The following PTPRD variants were observed in gnomAD, a reference collection of about 807,000 sequenced individuals.
PTPRD encodes the protein receptor-type tyrosine-protein phosphatase delta.
PTPRD carries 34 observed loss-of-function variants against 214.5 expected under a neutral mutation model. The observed-to-expected ratio is 0.16, with a 90% confidence interval of 0.12 to 0.21. The LOEUF (loss-of-function observed/expected upper bound fraction) is 0.21, where lower values mean the gene tolerates loss of function less well. Ranked by LOEUF, PTPRD falls within the 10% of genes least tolerant of loss-of-function variation. The probability of loss-of-function intolerance (pLI) is 1.00; values close to 1 mark genes in which losing one functional copy is unlikely to be tolerated. For missense variants in PTPRD, 2,545 were observed against 2,398.7 expected (o/e 1.06, Z -1.27); for synonymous variants, 1,128 against 845.7 (o/e 1.33, Z -5.79).
At chr9:9,639,721 C>G (rs565901858) in intron 7 of PTPRD, among the ~76,000 whole-genome samples, 1 of 152,226 alleles carries the variant, frequency 6.6e-6, no homozygotes, top group African/African-American at 2.4e-5. Context: ...GATACACAGG[C>G]ATATTTACAT....
chr9:9,875,975 G>T (rs1374580728), intron 5 of PTPRD, among the ~76,000 whole-genome samples: 1 of 152,064 alleles, frequency 6.6e-6, no homozygotes, highest in Non-Finnish European at 1.5e-5. Context: ...ATCATCTGGA[G>T]ATCCTGACTT....
intron 9 of PTPRD, among the ~76,000 whole-genome samples, chr9:9,231,201 T>C (rs1434513932): frequency 6.6e-6 from 1 of 152,186 alleles, no homozygotes; most frequent in African/African-American, 2.4e-5. Context: ...TCAGTACAGT[T>C]GTTCATTAGT....
chr9:8,624,485 C>T (rs1471183493), intron 14 of PTPRD, among the ~76,000 whole-genome samples: 1 of 151,836 alleles, frequency 6.6e-6, no homozygotes, highest in African/African-American at 2.4e-5. Flanking sequence ...GTGCCTAGCA[C>T]TATTCTAGAT....
At chr9:9,769,644 C>A (rs374966170) in intron 5 of PTPRD, among the ~76,000 whole-genome samples, 1 of 151,936 alleles carries the variant, frequency 6.6e-6, no homozygotes, top group Non-Finnish European at 1.5e-5. Context: ...CCCTTTTATA[C>A]ACATGTGCAG....
intron 9 of PTPRD, among the ~76,000 whole-genome samples, chr9:9,252,950 TAAGAG>T (rs1289799669): frequency 6.6e-6 from 1 of 152,090 alleles, no homozygotes; most frequent in Non-Finnish European, 1.5e-5. Context: ...TAAACTCACT[TAAGAG>T]AAAAGTATAA....
chr9:8,390,679 G>T (rs1014217410), intron 36 of PTPRD, among the ~76,000 whole-genome samples: 2 of 152,066 alleles, frequency 1.3e-5, no homozygotes, highest in Non-Finnish European at 2.9e-5. Context: ...TAGATATTGT[G>T]ATTTAAAGCC....
At chr9:10,603,183 G>A (rs1490870626) in intron 2 of PTPRD, among the ~76,000 whole-genome samples, 1 of 151,830 alleles carries the variant, frequency 6.6e-6, no homozygotes, top group East Asian at 1.9e-4. Flanking sequence ...AAGGCAGAGA[G>A]CACAGCAGGT....
rs1188469836 is a variant in PTPRD at position 8,934,456 on chromosome 9, T to A, written c.-104+84241A>T. Among the ~76,000 whole-genome samples the A allele has an allele frequency of 6.6e-3, 211 of 31,902 alleles. 10 individuals carry two copies. Among genetic ancestry groups the A allele is most frequent in the South Asian group, 0.017 (13 of 786 alleles). The allele number at this position is 31,902 out of a possible 152,430, so 20.9% of individuals were successfully genotyped here. ...ATATAAATATATATATAAATTTATA[T>A]ATATATAAATATATATATATAAATA... On this transcript the variant is annotated intron_variant, in intron 11 of 45. Transcript: ENST00000381196.
intron 11 of PTPRD, among the ~76,000 whole-genome samples, chr9:8,843,291 C>A (rs1490426606): frequency 6.6e-6 from 1 of 152,238 alleles, no homozygotes; most frequent in Non-Finnish European, 1.5e-5. Context: ...TGCACAGAAT[C>A]TGTTATCAAT....
At chr9:10,433,603 A>G (rs2154521361) in intron 2 of PTPRD, among the ~76,000 whole-genome samples, 1 of 152,124 alleles carries the variant, frequency 6.6e-6, no homozygotes, top group East Asian at 1.9e-4. Context: ...TACCACATGG[A>G]AAACTTGTCA....
At chr9:9,658,531 G>A (rs1226291991) in intron 7 of PTPRD, among the ~76,000 whole-genome samples, 1 of 152,108 alleles carries the variant, frequency 6.6e-6, no homozygotes, top group African/African-American at 2.4e-5. Flanking sequence ...TAAAGCTAGA[G>A]TTCATACTTG....
intron 8 of PTPRD, among the ~76,000 whole-genome samples, chr9:9,455,547 C>T (rs1034704018): frequency 3.3e-5 from 5 of 151,544 alleles, no homozygotes; most frequent in Non-Finnish European, 5.9e-5. Context: ...TTTTACAAGG[C>T]CCCCAAAAGG....
At position 9,056,032 on chromosome 9, in the gene PTPRD, T is replaced by C. The variant is rs548133074; in HGVS notation, c.-142-37297A>G. ...GTTCATAATGTCTGGCAGAATATACTAGAGTAGTTCTGGACTTGCCACAAA... is the reference window on the plus strand; with the variant it reads ...GTTCATAATGTCTGGCAGAATATACCAGAGTAGTTCTGGACTTGCCACAAA... On this transcript the variant is annotated intron_variant, in intron 10 of 45. Transcript: ENST00000381196. Among the ~76,000 whole-genome samples the C allele has an allele frequency of 4.6e-5, 7 of 152,192 alleles. No homozygotes were observed. The East Asian group carries it at 1.4e-3, about 29-fold the overall frequency.
chr9:9,401,655 C>T (rs1018315970), intron 8 of PTPRD, among the ~76,000 whole-genome samples: 3 of 151,092 alleles, frequency 2.0e-5, no homozygotes, highest in East Asian at 2.0e-4. Context: ...GTCATTGATA[C>T]GGTTTTTCTA....
At chr9:8,460,377 C>A (rs1428412501) in intron 33 of PTPRD, 34 bp downstream of exon 33, 1 of 1,607,634 alleles carries the variant, frequency 6.2e-7, no homozygotes, top group Admixed American at 1.7e-5. Flanking sequence ...AAGGCAGCCT[C>A]CAAAATTACA....
intron 11 of PTPRD, among the ~76,000 whole-genome samples, chr9:8,819,427 C>T (rs1038475365): frequency 2.0e-5 from 3 of 152,128 alleles, no homozygotes; most frequent in African/African-American, 7.2e-5. Flanking sequence ...CTTTGGGAGG[C>T]TGAAGCAGGC....
intron 19 of PTPRD, among the ~76,000 whole-genome samples, chr9:8,522,143 T>C (rs914261461): frequency 3.3e-5 from 5 of 152,266 alleles, no homozygotes; most frequent in Middle Eastern, 3.4e-3. Context: ...CAGAAATGTA[T>C]ATACATATTG....
chr9:10,106,683 T>G (rs993912721), intron 3 of PTPRD, among the ~76,000 whole-genome samples: 4 of 151,864 alleles, frequency 2.6e-5, no homozygotes, highest in Non-Finnish European at 4.4e-5. Context: ...TTGAGATGTA[T>G]TTAGAAAAAA....
intron 11 of PTPRD, among the ~76,000 whole-genome samples, chr9:8,744,189 C>T (rs1358349873): frequency 6.9e-6 from 1 of 145,846 alleles, no homozygotes; most frequent in Non-Finnish European, 1.5e-5. Flanking sequence ...AACACTTCTA[C>T]ACTGTTGACA....
Sources: gnomAD v4.1 joint callset for allele counts (sites outside exome capture counted in the v4.1 genomes callset) on GRCh38, gnomAD v4.1.1 for gene constraint, MANE v1.5 for transcripts, NCBI Gene and HGNC (gene_info 2026-07-23, HGNC 2026-07-21) for gene names.